The following SGCD variants were observed in gnomAD, a reference collection of about 807,000 sequenced individuals.
The protein encoded by SGCD is delta-sarcoglycan.
A neutral mutation model predicts 36.6 loss-of-function variants in SGCD; 18 were observed. The ratio of observed to expected loss-of-function variants is 0.49; its 90% CI spans 0.34 to 0.73. The LOEUF is 0.73. SGCD is among the 30% of genes least tolerant of loss of function. SGCD has a pLI of 0.01. For synonymous variants in SGCD, 133 were observed against 130.6 expected (o/e 1.02, Z -0.12); for missense variants, 387 against 346.7 (o/e 1.12, Z -0.92).
chr5:156,639,218 T>C (rs1176536069), intron 6 of SGCD, among the ~76,000 whole-genome samples: 1 of 152,040 alleles, frequency 6.6e-6, no homozygotes, highest in Non-Finnish European at 1.5e-5. Flanking sequence ...TCACAATAGG[T>C]TTATGAGAGA....
intron 1 of SGCD, among the ~76,000 whole-genome samples, chr5:155,894,902 A>G (rs759526702): frequency 6.6e-6 from 1 of 152,038 alleles, no homozygotes; most frequent in Non-Finnish European, 1.5e-5. Context: ...AATGTGCTTG[A>G]CTCATCCTGC....
At chr5:156,159,040 G>A (rs1345009923) in intron 3 of SGCD, among the ~76,000 whole-genome samples, 3 of 151,420 alleles carry the variant, frequency 2.0e-5, no homozygotes, top group Non-Finnish European at 2.9e-5. Context: ...AAAATAATGG[G>A]ATTTGCAATT....
At chr5:155,905,597 G>A (rs1388614398) in intron 1 of SGCD, among the ~76,000 whole-genome samples, 1 of 152,056 alleles carries the variant, frequency 6.6e-6, no homozygotes, top group East Asian at 1.9e-4. Context: ...GCTTTATTGT[G>A]TGATATGGTT....
At chr5:155,816,755 A>C in the SGCD span, among the ~76,000 whole-genome samples, 1 of 152,226 alleles carries the variant, frequency 6.6e-6, no homozygotes, top group Non-Finnish European at 1.5e-5. Flanking sequence ...ACTTGGTTTC[A>C]TTGGAATGAG....
intron 3 of SGCD, among the ~76,000 whole-genome samples, chr5:156,253,272 C>T (rs921574249): frequency 2.0e-5 from 3 of 152,118 alleles, no homozygotes; most frequent in Non-Finnish European, 4.4e-5. Flanking sequence ...ATATGATCCA[C>T]GAGTCTCCAT....
At chr5:156,644,301 T>G (rs916160350) in intron 6 of SGCD, among the ~76,000 whole-genome samples, 1 of 152,196 alleles carries the variant, frequency 6.6e-6, no homozygotes, top group Non-Finnish European at 1.5e-5. Flanking sequence ...GTATTTTTCT[T>G]TCAGTATTTA....
chr5:156,247,606 G>A (rs62382679), intron 3 of SGCD, among the ~76,000 whole-genome samples: 33,557 of 152,090 alleles, frequency 0.22, 4,346 homozygotes, highest in East Asian at 0.62. Flanking sequence ...AGCAGGATCA[G>A]CTGTTATAGA....
chr5:156,652,306 C>T (rs1763492412), intron 7 of SGCD, among the ~76,000 whole-genome samples: 1 of 151,634 alleles, frequency 6.6e-6, no homozygotes, highest in African/African-American at 2.4e-5. Flanking sequence ...CATAGTGAAA[C>T]CCTGTCTCTA....
chr5:156,169,048 C>A (rs536995672), intron 3 of SGCD, among the ~76,000 whole-genome samples: 8 of 152,314 alleles, frequency 5.3e-5, no homozygotes, highest in African/African-American at 9.6e-5. Flanking sequence ...GCCTAAAGAA[C>A]CTCCCAAGCA....
At chr5:155,967,523 A>G (rs1312453428) in intron 1 of SGCD, among the ~76,000 whole-genome samples, 1 of 152,044 alleles carries the variant, frequency 6.6e-6, no homozygotes, top group Non-Finnish European at 1.5e-5. Context: ...TTCCATCATG[A>G]TGGAAAATTA....
intron 3 of SGCD, among the ~76,000 whole-genome samples, chr5:156,504,390 GTGTATATATATATATATATA>G (rs70984407): frequency 0.18 from 23,094 of 126,460 alleles, 2,356 homozygotes; most frequent in East Asian, 0.27. Flanking sequence ...GGGTGTGTGT[GTGTATATATATATATATATA>G]TATATATATA....
the SGCD span, among the ~76,000 whole-genome samples, chr5:155,843,420 ACACT>A: frequency 6.6e-6 from 1 of 152,184 alleles, no homozygotes; most frequent in Non-Finnish European, 1.5e-5. Context: ...ACACACACAC[ACACT>A]GATACTCACG....
intron 3 of SGCD, among the ~76,000 whole-genome samples, chr5:156,261,306 T>C (rs1765855641): frequency 6.6e-6 from 1 of 152,348 alleles, no homozygotes; most frequent in Middle Eastern, 3.4e-3. Flanking sequence ...GTACTTATTT[T>C]GGTGTATGTT....
intron 1 of SGCD, among the ~76,000 whole-genome samples, chr5:156,110,451 A>G (rs1372884373): frequency 6.6e-6 from 1 of 151,972 alleles, no homozygotes; most frequent in East Asian, 1.9e-4. Flanking sequence ...TTCTTCCAAA[A>G]TTAGAAACCT....
At chr5:156,032,733 A>AAAAAAAAAAAAC in intron 1 of SGCD, among the ~76,000 whole-genome samples, 1 of 149,676 alleles carries the variant, frequency 6.7e-6, no homozygotes, top group African/African-American at 2.5e-5. Context: ...AAAAAAAAAA[A>AAAAAAAAAAAAC]AAAGAGTGTT....
the SGCD span, among the ~76,000 whole-genome samples, chr5:155,817,391 C>T: frequency 6.6e-6 from 1 of 151,132 alleles, no homozygotes; most frequent in Non-Finnish European, 1.5e-5. Context: ...AGCAAGGTAT[C>T]TAGGAGCCGC....
intron 3 of SGCD, among the ~76,000 whole-genome samples, chr5:156,156,687 G>A (rs1762972773): frequency 6.6e-6 from 1 of 151,418 alleles, no homozygotes; most frequent in Non-Finnish European, 1.5e-5. Flanking sequence ...TCGAATTAGA[G>A]ATTCCAGGGG....
At chr5:155,751,908 A>G in the SGCD span, among the ~76,000 whole-genome samples, 1 of 152,164 alleles carries the variant, frequency 6.6e-6, no homozygotes, top group Non-Finnish European at 1.5e-5. Context: ...CCTATGGCCC[A>G]CTGTGTGAAC....
chr5:155,966,481 A>G (rs1757904474), intron 1 of SGCD, among the ~76,000 whole-genome samples: 1 of 152,178 alleles, frequency 6.6e-6, no homozygotes, highest in Admixed American at 6.5e-5. Flanking sequence ...ATGCTAGGCA[A>G]AAGTCAAGTT....
Sources: allele counts gnomAD v4.1 joint callset (sites outside exome capture counted in the v4.1 genomes callset), GRCh38; gene constraint gnomAD v4.1.1; transcripts MANE v1.5; gene names NCBI Gene and HGNC (gene_info 2026-07-23, HGNC 2026-07-21).